Variants in MS4A8 observed in about 807,000 individuals in gnomAD.
MS4A8 encodes the protein membrane spanning 4-domains A8.
In MS4A8, 27 loss-of-function variants were observed where a neutral mutation model predicts 23.7. The ratio of observed to expected loss-of-function variants is 1.14; its 90% CI spans 0.84 to 1.57. MS4A8 has a LOEUF of 1.57. Among genes scored for constraint, MS4A8 ranks in the 40% most tolerant of loss-of-function variants. The pLI is 0.00. For missense variants in MS4A8, 301 were observed against 311.4 expected (o/e 0.97, Z 0.25); for synonymous variants, 138 against 126.3 (o/e 1.09, Z -0.62).
Position 60,715,709 on chromosome 11 carries a change from C to G in MS4A8, c.*295C>G. On this transcript the variant is annotated 3_prime_UTR_variant, in exon 7 of 7. Coordinates refer to ENST00000300226, the MANE Select transcript of MS4A8 (RefSeq NM_031457.2). ...CTTGGCACACACACATTCGTGTGCT[C>G]TGCTGCATGTGAGCTTGTGGGTTAG... 1 of 391,238 alleles carries G rather than the reference C, an allele frequency of 2.6e-6. No individual in the cohort carries two copies. The highest frequency in any genetic ancestry group is 4.7e-6 in the Non-Finnish European group (1 of 213,730). The allele number at this position is 391,238 out of a possible 1,614,324, so 24.2% of individuals were successfully genotyped here.
Position 60,706,969 on chromosome 11 carries a change from C to T in MS4A8, c.343-19C>T, listed in dbSNP as rs777102470. The T allele has an allele frequency of 6.2e-7, 1 of 1,613,564 alleles. No individual in the cohort carries two copies. The highest frequency in any genetic ancestry group is 8.5e-7 in the Non-Finnish European group (1 of 1,179,506). ...CCTAGCCCCTGACCTCTTTCTAAACCCACTCTGTTCTGTACCAGTTTATCA... is the reference window on the plus strand; with the variant it reads ...CCTAGCCCCTGACCTCTTTCTAAACTCACTCTGTTCTGTACCAGTTTATCA... On this transcript the variant is annotated intron_variant, in intron 3 of 6. Coordinates refer to ENST00000300226, the MANE Select transcript of MS4A8 (RefSeq NM_031457.2).
Position 60,700,887 on chromosome 11 carries a change from G to C in MS4A8, c.27G>C (p.Pro9=). Residue 9 remains proline (P), a synonymous_variant, in exon 2 of 7, where the codon CCG becomes CCC. Coordinates refer to ENST00000300226, the MANE Select transcript of MS4A8 (RefSeq NM_031457.2). MNSMTSAV[P]VANSVLVVAP... is the part of the protein sequence containing the mutation. ...TGAATTCGATGACTTCAGCAGTTCC[G>C]GTGGCCAATTCTGTGTTGGTGGTGG... is the stretch of plus-strand genomic sequence containing the variant. The C allele has an allele frequency of 6.2e-7, 1 of 1,614,102 alleles. No individual in the cohort carries two copies. Among genetic ancestry groups the C allele is most frequent in the South Asian group, 1.1e-5 (1 of 91,076 alleles).
In MS4A8 at chr11:60,715,467, C is replaced by G; in HGVS notation, c.*53C>G. On this transcript the variant is annotated 3_prime_UTR_variant, in exon 7 of 7. Coordinates refer to ENST00000300226, the MANE Select transcript of MS4A8 (RefSeq NM_031457.2). Reference sequence around the variant, plus strand: ...CTGGGACCAAAAGAAGTCCTCCTCCCTTTCTGGGCTTCCATAACCCAGGTC... The same window carrying G: ...CTGGGACCAAAAGAAGTCCTCCTCCGTTTCTGGGCTTCCATAACCCAGGTC... The G allele has an allele frequency of 7.0e-7, 1 of 1,432,936 alleles. No individual in the cohort carries two copies. The highest frequency in any genetic ancestry group is 1.4e-5 in the African/African-American group (1 of 71,606). The allele number at this position is 1,432,936 out of a possible 1,614,324, so 88.8% of individuals were successfully genotyped here.
At chr11:60,713,023 C>T (rs1273019867) in intron 5 of MS4A8, among the ~76,000 whole-genome samples, 1 of 152,084 alleles carries the variant, frequency 6.6e-6, no homozygotes. Flanking sequence ...CTATTTCTCC[C>T]GGTTACCTCC....
intron 1 of MS4A8, among the ~76,000 whole-genome samples, chr11:60,700,477 C>T (rs1353321647): frequency 1.3e-5 from 2 of 151,916 alleles, no homozygotes; most frequent in African/African-American, 2.4e-5. Flanking sequence ...ACCTGGGAGG[C>T]GGAGGTTGCA....
chr11:60,711,477 A>T (rs2088299929), intron 5 of MS4A8, among the ~76,000 whole-genome samples: 1 of 152,144 alleles, frequency 6.6e-6, no homozygotes, highest in Admixed American at 6.5e-5. Context: ...TTAAAGTCCA[A>T]ATTCCTCAGC....
At chr11:60,713,259 A>T (rs2088314511) in intron 5 of MS4A8, among the ~76,000 whole-genome samples, 1 of 152,190 alleles carries the variant, frequency 6.6e-6, no homozygotes, top group Non-Finnish European at 1.5e-5. Context: ...GAAAAGAAAG[A>T]GACACAGAGA....
At chr11:60,702,627 C>G (rs543567251) in intron 2 of MS4A8, among the ~76,000 whole-genome samples, 19 of 152,300 alleles carry the variant, frequency 1.2e-4, no homozygotes, top group African/African-American at 3.8e-4. Flanking sequence ...GTCTTGAACT[C>G]CTGACCTGTG....
chr11:60,712,127 C>CT (rs949503644), intron 5 of MS4A8: 1 of 267,430 alleles, frequency 3.7e-6, no homozygotes, highest in African/African-American at 2.3e-5. Flanking sequence ...CCATTCTACT[C>CT]TAAGTCTCTG....
intron 5 of MS4A8, among the ~76,000 whole-genome samples, chr11:60,713,842 G>A (rs1332841693): frequency 2.0e-5 from 3 of 151,532 alleles, no homozygotes; most frequent in African/African-American, 4.9e-5. Flanking sequence ...GTGGCCTTCC[G>A]CAGTGTTTTG....
At chr11:60,706,898 T>C in intron 3 of MS4A8, 90 bp from the exon 4 acceptor site, 3 of 1,090,006 alleles carry the variant, frequency 2.8e-6, no homozygotes, top group Non-Finnish European at 4.2e-6. Flanking sequence ...CCAGCAAAGG[T>C]ACCCACTGTG....
intron 5 of MS4A8, among the ~76,000 whole-genome samples, chr11:60,714,524 T>TGAA (rs2088326058): frequency 6.6e-6 from 1 of 152,194 alleles, no homozygotes; most frequent in Non-Finnish European, 1.5e-5. Flanking sequence ...AGCAAACCAC[T>TGAA]GATTACTGAA....
intron 5 of MS4A8, among the ~76,000 whole-genome samples, chr11:60,714,082 G>T (rs558077287): frequency 1.4e-5 from 2 of 147,898 alleles, no homozygotes; most frequent in African/African-American, 5.3e-5. Flanking sequence ...CCGCCACCGC[G>T]CCCGGCTAAT....
intron 4 of MS4A8, 116 bp downstream of exon 4, chr11:60,707,163 A>C: frequency 1.0e-6 from 1 of 958,356 alleles, no homozygotes; most frequent in Non-Finnish European, 1.7e-6. Flanking sequence ...CTATAACCAG[A>C]CACACGGTGC....
intron 5 of MS4A8, chr11:60,712,184 C>A: frequency 3.5e-6 from 1 of 288,668 alleles, no homozygotes; most frequent in Non-Finnish European, 5.2e-6. Context: ...CCTGGGACAA[C>A]TGCCTCTACC....
In MS4A8 at chr11:60,703,770, T is replaced by C. The variant is rs1258705139; in HGVS notation, c.342+270T>C. Among the ~76,000 whole-genome samples, 5 of 152,316 alleles carry C rather than the reference T, an allele frequency of 3.3e-5. No homozygotes were observed. The South Asian group carries it at 1.0e-3, about 32-fold the overall frequency. On this transcript the variant is annotated intron_variant, in intron 3 of 6. Coordinates refer to ENST00000300226, the MANE Select transcript of MS4A8 (RefSeq NM_031457.2). ...GGCGGCTGAAAGTCTGCGATGGAGA[T>C]GTTAGCAGATGTTTTCCCCTAAGGT...
At chr11:60,707,228 CAT>C (rs1254316136) in intron 4 of MS4A8, among the ~76,000 whole-genome samples, 181 bp downstream of exon 4, 1 of 152,164 alleles carries the variant, frequency 6.6e-6, no homozygotes, top group East Asian at 1.9e-4. Flanking sequence ...CCTGGAGTCA[CAT>C]GTGGAAAAGT....
rs7930472 is a variant in MS4A8 at position 60,714,877 on chromosome 11, C to T, written c.535-144C>T. On this transcript the variant is annotated intron_variant, in intron 5 of 6. Transcript: ENST00000300226. ...CCCATACTTGATACTTACAAAAACC[C>T]GGTGGGAAATTTCCCCCCACGAGGC... 0.016 allele frequency: 10,103 copies of T among 642,186 alleles called. 710 individuals carry two copies. In the African/African-American group the frequency reaches 0.16, roughly 10 times the overall value. 39.8% of individuals were successfully genotyped at this position (642,186 alleles called of 1,614,324 possible).
At chr11:60,707,138 C>A in intron 4 of MS4A8, 91 bp downstream of exon 4, 1 of 1,200,586 alleles carries the variant, frequency 8.3e-7, no homozygotes. Context: ...GATTCCTCCC[C>A]CAGCCTTGCA....
Sources: gnomAD v4.1 joint callset for allele counts (sites outside exome capture counted in the v4.1 genomes callset) on GRCh38, gnomAD v4.1.1 for gene constraint, MANE v1.5 for transcripts, NCBI Gene and HGNC (gene_info 2026-07-23, HGNC 2026-07-21) for gene names.